The following NCOA1 variants were observed in gnomAD, a reference collection of about 807,000 sequenced individuals.
NCOA1 encodes the protein nuclear receptor coactivator 1, also known as Hin-2 protein.
A neutral mutation model predicts 150.9 loss-of-function variants in NCOA1; 35 were observed. The observed-to-expected ratio is 0.23, with a 90% CI of 0.18 to 0.31. The LOEUF (loss-of-function observed/expected upper bound fraction) is 0.31, where lower values mean the gene tolerates loss of function less well. Ranked by LOEUF, NCOA1 falls within the 10% of genes least tolerant of loss-of-function variation. The pLI is 1.00. For synonymous variants in NCOA1, 590 were observed against 630.0 expected (o/e 0.94, Z 0.95); for missense variants, 1,491 against 1,749.3 (o/e 0.85, Z 2.63).
In NCOA1 at chr2:24,491,601, A is replaced by T. The variant is rs953177575; in HGVS notation, c.-397A>T. Reference sequence around the variant, plus strand: ...AGCGGGGCCCAGAGGCGGCGGCGGCAGGTGAGTGGCGGGCTGCGGGTGCGG... The same window carrying T: ...AGCGGGGCCCAGAGGCGGCGGCGGCTGGTGAGTGGCGGGCTGCGGGTGCGG... On this transcript the variant is annotated splice_region_variant and 5_prime_UTR_variant, in exon 1 of 23. Transcript: ENST00000348332. Among the ~76,000 whole-genome samples, 41 of 74,058 alleles carry T rather than the reference A, an allele frequency of 5.5e-4. No homozygotes were observed. Among genetic ancestry groups the T allele is most frequent in the Non-Finnish European group, 9.6e-4 (34 of 35,328 alleles). The allele number at this position is 74,058 out of a possible 152,430, so 48.6% of individuals were successfully genotyped here. A position where few individuals can be genotyped will look rare whatever the true frequency, so the allele number is the denominator to read the frequency against.
chr2:24,745,145 GTTTTCTT>G (rs1160903545), intron 19 of NCOA1, among the ~76,000 whole-genome samples: 6 of 146,222 alleles, frequency 4.1e-5, no homozygotes, highest in African/African-American at 1.3e-4. Context: ...TTTAGAAATT[GTTTTCTT>G]TTTTCTTTTT....
Position 24,693,364 on chromosome 2 carries a change from T to A in NCOA1, c.808+17T>A, listed in dbSNP as rs989191731. 8.8e-6 allele frequency: 14 copies of A among 1,587,800 alleles called. 1 individual carries two copies. The Admixed American group carries it at 1.7e-4, about 19-fold the overall frequency. On this transcript the variant is annotated intron_variant, in intron 10 of 22. Transcript: ENST00000348332. ...ATACTACAGGTACTAATTGTAAAGT[T>A]CAGAATGTTCCATAGGTATTAATAA... is the stretch of plus-strand genomic sequence containing the variant.
chr2:24,691,489 G>A lies in NCOA1; in HGVS notation c.541G>A (p.Val181Ile). 6.2e-7 allele frequency: 1 copy of A among 1,613,130 alleles called. No individual in the cohort carries two copies. Among genetic ancestry groups the A allele is most frequent in the Non-Finnish European group, 8.5e-7 (1 of 1,179,722 alleles). The change falls in exon 9 of 23, where the codon GTT (valine) becomes ATT (isoleucine). Residue 181 changes from valine to isoleucine, a missense_variant. By Grantham distance (29) the Val-to-Ile change is conservative. Transcript: ENST00000348332. ...NLLPKSLVNG[V>I]PWPQEATRRN... is the part of the protein sequence containing the mutation. ...CAATTTTTCTTCCTCAGTAAATGGA[G>A]TTCCTTGGCCTCAAGAGGCAACACG...
intron 3 of NCOA1, among the ~76,000 whole-genome samples, chr2:24,616,646 T>C (rs936188762): frequency 2.0e-5 from 3 of 152,198 alleles, no homozygotes; most frequent in African/African-American, 7.2e-5. Flanking sequence ...TGACTTGATA[T>C]AAGAGTACAC....
chr2:24,764,154 T>G (rs1664933864), intron 22 of NCOA1, among the ~76,000 whole-genome samples: 1 of 152,136 alleles, frequency 6.6e-6, no homozygotes, highest in Non-Finnish European at 1.5e-5. Context: ...TTCCTTTTCT[T>G]CACAGATGAA....
chr2:24,663,931 T>C (rs1302485013), intron 5 of NCOA1, among the ~76,000 whole-genome samples: 1 of 152,196 alleles, frequency 6.6e-6, no homozygotes, highest in African/African-American at 2.4e-5. Flanking sequence ...CAAAAACATA[T>C]TTGAGAGTTC....
chr2:24,537,237 C>CAT (rs201850786), intron 1 of NCOA1, among the ~76,000 whole-genome samples: 1,159 of 62,442 alleles, frequency 0.019, 17 homozygotes, highest in African/African-American at 0.04. Flanking sequence ...AACTGTGATA[C>CAT]ATACACACAC....
chr2:24,558,331 A>T (rs1666161456), intron 1 of NCOA1, among the ~76,000 whole-genome samples: 1 of 152,184 alleles, frequency 6.6e-6, no homozygotes. Flanking sequence ...CACGCTGCTG[A>T]TAAAGACATA....
At chr2:24,509,760 G>A (rs953550895) in intron 1 of NCOA1, among the ~76,000 whole-genome samples, 2 of 152,168 alleles carry the variant, frequency 1.3e-5, no homozygotes, top group African/African-American at 4.8e-5. Flanking sequence ...GGGTTTAACA[G>A]AGAGAAAGAG....
chr2:24,671,026 A>C (rs964353376), intron 6 of NCOA1, among the ~76,000 whole-genome samples: 9 of 152,166 alleles, frequency 5.9e-5, no homozygotes, highest in African/African-American at 2.2e-4. Context: ...ATGATCCTGA[A>C]ATTTCACTCT....
chr2:24,537,082 G>A (rs771075669), intron 1 of NCOA1, among the ~76,000 whole-genome samples: 14 of 151,622 alleles, frequency 9.2e-5, no homozygotes, highest in South Asian at 4.2e-4. Context: ...TATACAATTC[G>A]TCCATGTAAC....
At chr2:24,711,161 A>G in intron 14 of NCOA1, 50 bp downstream of exon 14, 1 of 1,536,636 alleles carries the variant, frequency 6.5e-7, no homozygotes, top group Non-Finnish European at 8.8e-7. Context: ...GATAATGTGG[A>G]TTAGCATTTT....
chr2:24,580,171 G>A (rs1261053143), intron 2 of NCOA1, among the ~76,000 whole-genome samples: 2 of 152,238 alleles, frequency 1.3e-5, no homozygotes, highest in South Asian at 2.1e-4. Context: ...TACACTTTCT[G>A]TGTCTTTAGC....
In NCOA1 at chr2:24,748,102, G is replaced by A. The variant is rs149889654; in HGVS notation, c.3707-3880G>A. ...GCCTGGGCAACAAGAACAAAACTCC[G>A]CCTCAAAAAAAAGAAAAAAGAAAAA... On this transcript the variant is annotated intron_variant, in intron 19 of 22. Coordinates refer to ENST00000348332, the MANE Select transcript of NCOA1 (RefSeq NM_003743.5). Among the ~76,000 whole-genome samples the A allele has an allele frequency of 4.9e-3, 736 of 150,140 alleles. 8 individuals are homozygous for A. Among genetic ancestry groups the A allele is most frequent in the African/African-American group, 0.016 (662 of 40,786 alleles).
chr2:24,537,404 G>T (rs1206077024), intron 1 of NCOA1, among the ~76,000 whole-genome samples: 1 of 151,938 alleles, frequency 6.6e-6, no homozygotes, highest in Non-Finnish European at 1.5e-5. Context: ...TCACTTATAT[G>T]TGGGAGATTA....
At chr2:24,693,184 T>C (rs1672749208) in intron 9 of NCOA1, 68 bp from the exon 10 acceptor site, 4 of 1,426,934 alleles carry the variant, frequency 2.8e-6, no homozygotes, top group South Asian at 2.3e-5. Context: ...AAACCATTAA[T>C]GGCGAGTGAT....
Position 24,769,559 on chromosome 2 carries a change from A to G in NCOA1, c.*1168A>G, listed in dbSNP as rs1473409669. 3 of 202,350 alleles carry G rather than the reference A, an allele frequency of 1.5e-5. No homozygotes were observed. Among genetic ancestry groups the G allele is most frequent in the East Asian group, 7.6e-5 (1 of 13,076 alleles). The allele number at this position is 202,350 out of a possible 1,614,324, so 12.5% of individuals were successfully genotyped here. The stretch of plus-strand genomic sequence containing the variant: ...TCATCTGAACAGAAGTGCACAGGCT[A>G]CTTGTACAGAGAAAAAATTAATACT... On this transcript the variant is annotated 3_prime_UTR_variant, in exon 23 of 23. Coordinates refer to ENST00000348332, the MANE Select transcript of NCOA1 (RefSeq NM_003743.5).
intron 3 of NCOA1, among the ~76,000 whole-genome samples, chr2:24,624,882 G>A (rs1669337320): frequency 6.6e-6 from 1 of 152,132 alleles, no homozygotes; most frequent in Non-Finnish European, 1.5e-5. Context: ...GTAGAGAAGG[G>A]TTTGACAAAC....
chr2:24,612,226 A>G (rs1012801086), intron 3 of NCOA1, among the ~76,000 whole-genome samples: 1 of 152,204 alleles, frequency 6.6e-6, no homozygotes, highest in Non-Finnish European at 1.5e-5. Flanking sequence ...AAGAATGCTG[A>G]AAATAGGCCC....
Sources: allele counts gnomAD v4.1 joint callset (sites outside exome capture counted in the v4.1 genomes callset), GRCh38; gene constraint gnomAD v4.1.1; transcripts MANE v1.5; gene names NCBI Gene and HGNC (gene_info 2026-07-23, HGNC 2026-07-21).